The following GPRC5D variants were observed in gnomAD, a reference collection of about 807,000 sequenced individuals.
The protein encoded by GPRC5D is G protein-coupled receptor class C group 5 member D.
GPRC5D carries 20 observed loss-of-function variants against 29.3 expected under a neutral mutation model. The ratio of observed to expected loss-of-function variants is 0.68; its 90% confidence interval spans 0.48 to 0.99. The LOEUF is 0.99. Ranked by LOEUF, GPRC5D falls within the 50% of genes least tolerant of loss-of-function variation. The pLI, the probability that GPRC5D is intolerant of heterozygous loss-of-function variation, is 0.00. For missense variants in GPRC5D, 384 were observed against 423.6 expected (o/e 0.91, Z 0.82); for synonymous variants, 178 against 171.3 (o/e 1.04, Z -0.30).
exon 1 of GPRC5D, chr12:12,950,294 T>A: frequency 3.1e-6 from 5 of 1,613,550 alleles, no homozygotes; most frequent in Non-Finnish European, 4.2e-6. Context: ...ATGCCAAGTA[T>A]GGCCAGGGAC....
exon 2 of GPRC5D, chr12:12,942,286 G>A (rs1199610186): frequency 5.0e-6 from 8 of 1,611,762 alleles, no homozygotes; most frequent in African/African-American, 1.3e-5. Context: ...AGTACCATAT[G>A]AAGTTAATGC....
intron 1 of GPRC5D, chr12:12,944,361 C>T (rs969596351): frequency 6.6e-6 from 1 of 152,212 alleles, no homozygotes; most frequent in Non-Finnish European, 1.5e-5. Flanking sequence ...TTCTTCCTTG[C>T]TTTAAGCTAG....
upstream of GPRC5D, among the ~76,000 whole-genome samples, chr12:12,950,838 C>T (rs1358368507): frequency 1.3e-5 from 2 of 149,886 alleles, no homozygotes; most frequent in Admixed American, 6.7e-5. Flanking sequence ...GGTACAGTGG[C>T]TCATGCTTGT....
chr12:12,941,767 G>A (rs901719765), intron 2 of GPRC5D, among the ~76,000 whole-genome samples: 8 of 152,086 alleles, frequency 5.3e-5, no homozygotes, highest in Admixed American at 4.6e-4. Context: ...CATCCATCTG[G>A]GCATCCAGAT....
At chr12:12,944,821 CCTTCCTTCCTTCCTTCCTTCCT>C (rs1565477110) in intron 1 of GPRC5D, among the ~76,000 whole-genome samples, 548 of 13,280 alleles carry the variant, frequency 0.041, 35 homozygotes, top group Non-Finnish European at 0.064. Context: ...TTCCTTCCTT[CCTTCCTTCCTTCCTTCCTTCCT>C]TCCTTCCTTC....
rs191333097 is a variant in GPRC5D at position 12,942,509 on chromosome 12, C to T, written c.896-181G>A. Among the ~76,000 whole-genome samples, 530 of 152,266 alleles carry T rather than the reference C, an allele frequency of 3.5e-3. 5 individuals carry two copies. The highest frequency in any genetic ancestry group is 0.024 in the Middle Eastern group (7 of 294). Reference sequence around the variant, plus strand: ...CAGCACTTTGGGAGGCCAAGACAGGCGGATCACTTGAGGTCAGGAGTTCGA... The same window carrying T: ...CAGCACTTTGGGAGGCCAAGACAGGTGGATCACTTGAGGTCAGGAGTTCGA... On this transcript the variant is annotated intron_variant, in intron 1 of 2. Transcript: ENST00000228887.
chr12:12,946,556 G>A (rs979278705), intron 1 of GPRC5D, among the ~76,000 whole-genome samples: 6 of 151,556 alleles, frequency 4.0e-5, no homozygotes, highest in African/African-American at 1.5e-4. Context: ...CCAGGTTCAA[G>A]TGATTCTCAT....
upstream of GPRC5D, chr12:12,950,440 AG>A: frequency 1.7e-6 from 2 of 1,195,556 alleles, no homozygotes; most frequent in South Asian, 2.8e-5. Context: ...CTGCAGAAAA[AG>A]GATGAGACAA....
chr12:12,948,151 T>G (rs1328427154), intron 1 of GPRC5D: 2 of 148,286 alleles, frequency 1.3e-5, no homozygotes, highest in Non-Finnish European at 3.0e-5. Flanking sequence ...ACTCTAAGAA[T>G]TTTTTTTTTG....
chr12:12,950,130 A>T (rs1863455575), exon 1 of GPRC5D: 5 of 1,614,178 alleles, frequency 3.1e-6, no homozygotes, highest in Admixed American at 1.7e-5. Flanking sequence ...CAGTTTGTTG[A>T]TTGAGCTCGA....
At chr12:12,948,449 C>G (rs1863408641) in intron 1 of GPRC5D, 1 of 154,030 alleles carries the variant, frequency 6.5e-6, no homozygotes, top group Non-Finnish European at 1.5e-5. Context: ...GATTACAGCT[C>G]AAAAAAAGTG....
chr12:12,942,218 C>A, intron 2 of GPRC5D, 43 bp downstream of exon 3: 1 of 1,252,822 alleles, frequency 8.0e-7, no homozygotes, highest in East Asian at 2.3e-5. Context: ...GGAAGGAATG[C>A]TTGCTAAGTC....
intron 1 of GPRC5D, among the ~76,000 whole-genome samples, chr12:12,946,218 G>A (rs548641039): frequency 6.5e-4 from 99 of 152,190 alleles, no homozygotes; most frequent in African/African-American, 2.3e-3. Flanking sequence ...CAGGACAACC[G>A]CCTCTTGGGG....
chr12:12,950,583 G>A (rs575596600), upstream of GPRC5D, among the ~76,000 whole-genome samples: 28 of 152,272 alleles, frequency 1.8e-4, no homozygotes, highest in South Asian at 3.3e-3. Flanking sequence ...GAGGCGGGCC[G>A]ATCACTTGAG....
intron 1 of GPRC5D, among the ~76,000 whole-genome samples, chr12:12,946,615 C>T (rs1340274615): frequency 3.3e-5 from 5 of 151,776 alleles, no homozygotes; most frequent in African/African-American, 1.2e-4. Context: ...TCACCATGCC[C>T]AACTAATTTT....
chr12:12,940,866 G>A lies in GPRC5D; in HGVS notation c.964-17C>T, dbSNP rs1863127541. 2.0e-6 allele frequency: 3 copies of A among 1,515,174 alleles called. No homozygotes were observed. The highest frequency in any genetic ancestry group is 1.7e-5 in the Admixed American group (1 of 59,852). The allele number at this position is 1,515,174 out of a possible 1,614,324, so 93.9% of individuals were successfully genotyped here. ...ATCAACAGTCTGGAAAGGAAGAAAT[G>A]CCATCATCAACTTTCTGAGCAACAA... On this transcript the variant is annotated splice_polypyrimidine_tract_variant and intron_variant, in intron 2 of 2. Coordinates refer to ENST00000228887, the Ensembl canonical transcript of GPRC5D.
upstream of GPRC5D, chr12:12,952,014 C>G (rs1863510018): frequency 1.3e-5 from 2 of 152,122 alleles, no homozygotes; most frequent in African/African-American, 4.8e-5. Context: ...TTGAATACCC[C>G]TTAGCTCTAC....
At chr12:12,944,850 CTTCTTTCT>C (rs57581481) in intron 1 of GPRC5D, among the ~76,000 whole-genome samples, 457 of 34,448 alleles carry the variant, frequency 0.013, 37 homozygotes, top group African/African-American at 0.032. Flanking sequence ...TCCTTCCTTC[CTTCTTTCT>C]TTCTTTCTTT....
At chr12:12,949,941 C>T in exon 1 of GPRC5D, 1 of 1,613,658 alleles carries the variant, frequency 6.2e-7, no homozygotes. Flanking sequence ...TGATGAGAGT[C>T]ACATACTCAG....
Sources: gnomAD v4.1 joint callset for allele counts (sites outside exome capture counted in the v4.1 genomes callset) on GRCh38, gnomAD v4.1.1 for gene constraint, MANE v1.5 for transcripts, NCBI Gene and HGNC (gene_info 2026-07-23, HGNC 2026-07-21) for gene names.